Variants in AGBL4 observed in about 807,000 individuals in gnomAD.
AGBL4 encodes the protein cytosolic carboxypeptidase 6.
Under a neutral mutation model 66.4 loss-of-function variants are expected in AGBL4, and 58 were observed. The ratio of observed to expected loss-of-function variants is 0.87; its 90% CI spans 0.71 to 1.09. The LOEUF is 1.09. AGBL4 is among the 50% of genes least tolerant of loss of function. The pLI is 0.00. For missense variants in AGBL4, 579 were observed against 631.0 expected, an observed-to-expected ratio of 0.92 and a Z score of 0.88; for synonymous variants, 234 against 222.9, an observed-to-expected ratio of 1.05 and a Z score of -0.44.
rs376287008 is a variant in AGBL4 at position 49,484,321 on chromosome 1, T to A, written c.282+212992A>T. 1.9e-3 allele frequency among the ~76,000 whole-genome samples: 293 copies of A among 152,098 alleles called. 3 individuals carry two copies. The highest frequency in any genetic ancestry group is 0.01 in the South Asian group (49 of 4,822). On this transcript the variant is annotated intron_variant, in intron 3 of 13. Coordinates refer to ENST00000371839, the MANE Select transcript of AGBL4 (RefSeq NM_032785.4). ...TCCCATGTTTATTTCAGCACTATTG[T>A]CAATAGGCAATATTTGGGAGCAACC...
At chr1:48,565,067 CAGTGAGTA>C (rs1644454925) in intron 11 of AGBL4, among the ~76,000 whole-genome samples, 1 of 152,342 alleles carries the variant, frequency 6.6e-6, no homozygotes, top group African/African-American at 2.4e-5. Context: ...CTAACATTTA[CAGTGAGTA>C]AGCCAATCCC....
intron 2 of AGBL4, among the ~76,000 whole-genome samples, chr1:49,713,208 C>T (rs1647808463): frequency 1.3e-5 from 2 of 152,004 alleles, no homozygotes. Flanking sequence ...TCATTCCTAA[C>T]ATGTTTTCAT....
At chr1:49,105,640 CAGTAGCTGTGTGACAT>C (rs1645278928) in intron 4 of AGBL4, among the ~76,000 whole-genome samples, 1 of 152,170 alleles carries the variant, frequency 6.6e-6, no homozygotes, top group Non-Finnish European at 1.5e-5. Context: ...CTGTGTAACT[CAGTAGCTGTGTGACAT>C]AGTAGCTGTG....
At chr1:49,084,668 G>A (rs1337225803) in intron 4 of AGBL4, among the ~76,000 whole-genome samples, 1 of 152,146 alleles carries the variant, frequency 6.6e-6, no homozygotes, top group Non-Finnish European at 1.5e-5. Flanking sequence ...CCATATCACT[G>A]AGTTTTTCAA....
intron 5 of AGBL4, among the ~76,000 whole-genome samples, chr1:49,023,602 A>C: frequency 6.6e-6 from 1 of 152,174 alleles, no homozygotes; most frequent in East Asian, 1.9e-4. Flanking sequence ...GCACTCTACT[A>C]TATTAACTCT....
intron 3 of AGBL4, among the ~76,000 whole-genome samples, chr1:49,404,560 A>C (rs924771158): frequency 2.6e-5 from 4 of 152,192 alleles, no homozygotes; most frequent in Admixed American, 6.5e-5. Context: ...ATTTATTCCT[A>C]TGTAGGCACC....
chr1:49,171,772 C>T (rs1646742438), intron 4 of AGBL4, among the ~76,000 whole-genome samples: 1 of 152,080 alleles, frequency 6.6e-6, no homozygotes, highest in Non-Finnish European at 1.5e-5. Flanking sequence ...TCCTCTGTGC[C>T]CACGCCCTAA....
chr1:49,963,590 A>C (rs1191718276), intron 1 of AGBL4, among the ~76,000 whole-genome samples: 1 of 152,178 alleles, frequency 6.6e-6, no homozygotes, highest in Non-Finnish European at 1.5e-5. Context: ...AGTCAGGGCA[A>C]AGGCTTCTTT....
At chr1:49,988,924 C>T (rs757603154) in intron 1 of AGBL4, among the ~76,000 whole-genome samples, 1 of 152,112 alleles carries the variant, frequency 6.6e-6, no homozygotes, top group African/African-American at 2.4e-5. Context: ...AATTCCCATT[C>T]GAGTAACTTT....
At chr1:49,610,016 G>A (rs961384772) in intron 3 of AGBL4, among the ~76,000 whole-genome samples, 1 of 152,054 alleles carries the variant, frequency 6.6e-6, no homozygotes, top group Non-Finnish European at 1.5e-5. Flanking sequence ...GGCATTTAGA[G>A]TGAAACAACT....
At chr1:49,057,786 G>A (rs2147902840) in intron 4 of AGBL4, among the ~76,000 whole-genome samples, 1 of 152,084 alleles carries the variant, frequency 6.6e-6, no homozygotes, top group Non-Finnish European at 1.5e-5. Context: ...TAATTTGTAT[G>A]TGGGTAGGGA....
At chr1:49,398,998 T>A (rs963505925) in intron 3 of AGBL4, among the ~76,000 whole-genome samples, 2 of 152,164 alleles carry the variant, frequency 1.3e-5, no homozygotes, top group Non-Finnish European at 2.9e-5. Context: ...ACCACCCTAC[T>A]ACCCTTCTGA....
At chr1:49,007,804 A>C (rs1210197307) in intron 5 of AGBL4, among the ~76,000 whole-genome samples, 4 of 151,870 alleles carry the variant, frequency 2.6e-5, no homozygotes, top group Non-Finnish European at 5.9e-5. Context: ...GAGAAATAAA[A>C]TACTTTACAG....
chr1:49,881,559 A>C (rs1647306876), intron 1 of AGBL4, among the ~76,000 whole-genome samples: 2 of 149,446 alleles, frequency 1.3e-5, no homozygotes, highest in South Asian at 2.1e-4. Flanking sequence ...TTGTTTCCTG[A>C]CTTTTTAATG....
At chr1:49,598,460 TG>T (rs1644891504) in intron 3 of AGBL4, among the ~76,000 whole-genome samples, 1 of 152,234 alleles carries the variant, frequency 6.6e-6, no homozygotes, top group African/African-American at 2.4e-5. Context: ...GCAGGTCTGT[TG>T]GAGTTTGCTA....
At chr1:49,236,915 G>C (rs1650797621) in intron 4 of AGBL4, among the ~76,000 whole-genome samples, 1 of 151,942 alleles carries the variant, frequency 6.6e-6, no homozygotes, top group Non-Finnish European at 1.5e-5. Context: ...TGAATCATGG[G>C]GTGAGACTTT....
chr1:48,966,712 T>C (rs1388578865), intron 5 of AGBL4, among the ~76,000 whole-genome samples: 4 of 152,128 alleles, frequency 2.6e-5, no homozygotes, highest in Non-Finnish European at 5.9e-5. Flanking sequence ...GGGCAAAGCC[T>C]GTAAGAGACT....
intron 1 of AGBL4, among the ~76,000 whole-genome samples, chr1:49,950,987 AAGAC>A (rs1656110003): frequency 6.6e-6 from 1 of 151,888 alleles, no homozygotes; most frequent in Non-Finnish European, 1.5e-5. Context: ...CAGACATAGA[AAGAC>A]AAATACTGCA....
At chr1:49,067,793 C>T (rs528146083) in intron 4 of AGBL4, among the ~76,000 whole-genome samples, 1 of 152,200 alleles carries the variant, frequency 6.6e-6, no homozygotes, top group African/African-American at 2.4e-5. Context: ...TTCTAGGGTA[C>T]ATGTGCACAA....
Sources: allele counts gnomAD v4.1 joint callset (sites outside exome capture counted in the v4.1 genomes callset), GRCh38; gene constraint gnomAD v4.1.1; transcripts MANE v1.5; gene names NCBI Gene and HGNC (gene_info 2026-07-23, HGNC 2026-07-21).